CEP192: variants seen among roughly 807,000 people sequenced by gnomAD.
The protein encoded by CEP192 is centrosomal protein of 192 kDa.
CEP192 carries 151 observed loss-of-function variants against 271.8 expected under a neutral mutation model. That is an observed-to-expected ratio of 0.56 (90% CI 0.49 to 0.64). CEP192 has a LOEUF of 0.64. Ranked by LOEUF, CEP192 falls within the 30% of genes least tolerant of loss-of-function variation. The probability of loss-of-function intolerance (pLI) is 0.00; values close to 1 mark genes in which losing one functional copy is unlikely to be tolerated. For missense variants in CEP192, 2,910 were observed against 3,020.5 expected, an observed-to-expected ratio of 0.96 and a Z score of 0.86; for synonymous variants, 995 against 1,076.5, an observed-to-expected ratio of 0.92 and a Z score of 1.48.
intron 40 of CEP192, among the ~76,000 whole-genome samples, chr18:13,111,860 A>T (rs1289712313): frequency 6.6e-6 from 1 of 152,252 alleles, no homozygotes; most frequent in East Asian, 1.9e-4. Context: ...GTCAATAAAC[A>T]TGTGAGAAGA....
intron 35 of CEP192, among the ~76,000 whole-genome samples, chr18:13,095,958 C>G (rs1242735941): frequency 6.6e-6 from 1 of 152,184 alleles, no homozygotes; most frequent in Non-Finnish European, 1.5e-5. Context: ...TAGAGTGAAT[C>G]TGCTACGTGG....
rs2034034563 is a variant in CEP192, at chr18:13,007,156, C to T, written c.291-1300C>T. Among the ~76,000 whole-genome samples, 3 of 152,318 alleles carry T rather than the reference C, an allele frequency of 2.0e-5. No homozygotes were observed. In the South Asian group the frequency reaches 6.2e-4, roughly 32 times the overall value. On this transcript the variant is annotated intron_variant, in intron 3 of 44. Coordinates refer to ENST00000506447, the MANE Select transcript of CEP192 (RefSeq NM_032142.4). ...TCTCTCCCCCTGCACACCCCATCTG[C>T]TTTTCAGATTCCAGAATCTGGGGTA...
chr18:13,056,805 G>A, intron 19 of CEP192, 107 bp downstream of exon 19: 2 of 971,552 alleles, frequency 2.1e-6, no homozygotes, highest in Non-Finnish European at 3.1e-6. Context: ...TTCCTTGTAA[G>A]TTTTGTGCTT....
rs2034585021 is a variant in CEP192 at position 13,015,382 on chromosome 18, C to G, written c.574C>G (p.Leu192Val). ...TGAAGACAAGACTCTAAAGAGTGAC[C>G]TAAGCCACACTAGCTTATTAGAAAA... ...HFEDKTLKSD[L>V]SHTSLLENEK... The change falls in exon 6 of 45, where the codon CTA (leucine) becomes GTA (valine). Residue 192 changes from leucine (L) to valine (V), a missense_variant. Physicochemically the swap from Leu to Val is conservative, Grantham distance 32. Transcript: ENST00000506447. 12 of 1,549,800 alleles carry G rather than the reference C, an allele frequency of 7.7e-6. No homozygotes were observed. The highest frequency in any genetic ancestry group is 9.6e-6 in the Non-Finnish European group (11 of 1,145,416).
At chr18:13,000,003 G>A (rs1282310105) in intron 2 of CEP192, among the ~76,000 whole-genome samples, 2 of 149,988 alleles carry the variant, frequency 1.3e-5, no homozygotes, top group African/African-American at 4.9e-5. Context: ...CTGCAAGAAG[G>A]GACAGGAATT....
intron 42 of CEP192, among the ~76,000 whole-genome samples, chr18:13,114,779 A>G (rs1266174539): frequency 6.6e-6 from 1 of 152,234 alleles, no homozygotes; most frequent in Non-Finnish European, 1.5e-5. Context: ...TTGCGAGGTC[A>G]CATGATAACC....
chr18:13,031,243 GT>G (rs60557979), intron 11 of CEP192, among the ~76,000 whole-genome samples: 5,981 of 101,570 alleles, frequency 0.059, 61 homozygotes, highest in African/African-American at 0.13. Flanking sequence ...CCTTATTGTT[GT>G]TTTTTTTTTT....
chr18:13,113,187 G>T (rs375523155), intron 40 of CEP192, among the ~76,000 whole-genome samples: 1 of 152,266 alleles, frequency 6.6e-6, no homozygotes, highest in South Asian at 2.1e-4. Context: ...GCTCCTGGCC[G>T]CTGTGAGGCC....
At chr18:13,097,245 A>G (rs1468191046) in intron 36 of CEP192, among the ~76,000 whole-genome samples, 2 of 152,228 alleles carry the variant, frequency 1.3e-5, no homozygotes, top group East Asian at 1.9e-4. Context: ...GCAGGGGAAG[A>G]CAATCTTGCC....
At chr18:13,120,920 G>A (rs944106891) in intron 44 of CEP192, among the ~76,000 whole-genome samples, 3 of 152,186 alleles carry the variant, frequency 2.0e-5, no homozygotes, top group African/African-American at 4.8e-5. Flanking sequence ...TTTATTTTAC[G>A]CAAAGAAAGG....
At chr18:13,030,654 G>C (rs749220125) in intron 11 of CEP192, 46 bp downstream of exon 11, 4 of 1,464,870 alleles carry the variant, frequency 2.7e-6, no homozygotes, top group African/African-American at 1.4e-5. Context: ...CACTGTTTCT[G>C]ATCTTTCTAA....
At chr18:13,061,495 C>T (rs939170335) in intron 21 of CEP192, among the ~76,000 whole-genome samples, 3 of 152,206 alleles carry the variant, frequency 2.0e-5, no homozygotes, top group African/African-American at 7.2e-5. Context: ...AGTAACCTAG[C>T]TCAACGACTT....
chr18:13,040,558 C>T (rs1367987172), intron 13 of CEP192, among the ~76,000 whole-genome samples: 1 of 152,188 alleles, frequency 6.6e-6, no homozygotes, highest in Non-Finnish European at 1.5e-5. Context: ...AGCCACTGCG[C>T]TTGGCCTCAT....
chr18:13,101,527 C>T (rs1568420806), intron 38 of CEP192, among the ~76,000 whole-genome samples: 1 of 152,128 alleles, frequency 6.6e-6, no homozygotes, highest in East Asian at 1.9e-4. Flanking sequence ...TATTTTTGTC[C>T]CTGTCTGTCT....
Position 13,017,180 on chromosome 18 carries a change from A to G in CEP192, c.641-8A>G. On this transcript the variant is annotated splice_region_variant and splice_polypyrimidine_tract_variant and intron_variant, in intron 6 of 44. Transcript: ENST00000506447. The stretch of plus-strand genomic sequence containing the variant: ...GCATGTCCTGTTTTTTCTCGATTTT[A>G]TCAATAGATGATGATATTGATGATG... 6.5e-7 allele frequency: 1 copy of G among 1,530,658 alleles called. No individual in the cohort carries two copies. The highest frequency in any genetic ancestry group is 2.5e-5 in the East Asian group (1 of 40,442). 94.8% of individuals were successfully genotyped at this position (1,530,658 alleles called of 1,614,324 possible).
At chr18:13,101,368 TAGGG>T (rs2039696299) in intron 38 of CEP192, among the ~76,000 whole-genome samples, 1 of 152,128 alleles carries the variant, frequency 6.6e-6, no homozygotes, top group Admixed American at 6.5e-5. Flanking sequence ...ATTTTCCACT[TAGGG>T]TAATTTCAAC....
At position 13,021,303 on chromosome 18, in the gene CEP192, A is replaced by G. The variant is rs112937866; in HGVS notation, c.1050+2097A>G. 1.4e-3 allele frequency among the ~76,000 whole-genome samples: 219 copies of G among 152,320 alleles called. 1 individual carries two copies. In the Middle Eastern group the frequency reaches 0.02, roughly 14 times the overall value. ...TTATTTTTATATATAGTGTTAGGTAAGGGTCTAACTAACATCATTCTTTTG... is the reference window on the plus strand; with the variant it reads ...TTATTTTTATATATAGTGTTAGGTAGGGGTCTAACTAACATCATTCTTTTG... On this transcript the variant is annotated intron_variant, in intron 9 of 44. Coordinates refer to ENST00000506447, the MANE Select transcript of CEP192 (RefSeq NM_032142.4).
At chr18:12,994,145 C>T (rs2033064989) in intron 1 of CEP192, among the ~76,000 whole-genome samples, 1 of 152,166 alleles carries the variant, frequency 6.6e-6, no homozygotes, top group Non-Finnish European at 1.5e-5. Flanking sequence ...GGCAAGGCCC[C>T]TGCTCTTAGG....
intron 24 of CEP192, among the ~76,000 whole-genome samples, 157 bp from the exon 25 acceptor site, chr18:13,068,695 C>T (rs553958300): frequency 1.3e-5 from 2 of 152,282 alleles, no homozygotes; most frequent in East Asian, 3.9e-4. Context: ...TCTTTTATCA[C>T]CTTTCTCTTC....
Sources: allele counts gnomAD v4.1 joint callset (sites outside exome capture counted in the v4.1 genomes callset), GRCh38; gene constraint gnomAD v4.1.1; transcripts MANE v1.5; gene names NCBI Gene and HGNC (gene_info 2026-07-23, HGNC 2026-07-21).